Variants in HSD17B11 observed in about 807,000 individuals in gnomAD.
The protein encoded by HSD17B11 is estradiol 17-beta-dehydrogenase 11.
HSD17B11 carries 22 observed loss-of-function variants against 27.8 expected under a neutral mutation model. The ratio of observed to expected loss-of-function variants is 0.79; its 90% CI spans 0.56 to 1.13. The LOEUF is 1.13. Among genes scored for constraint, HSD17B11 ranks in the 50% most tolerant of loss-of-function variants. HSD17B11 has a pLI of 0.00. For missense variants in HSD17B11, 314 were observed against 351.1 expected, an observed-to-expected ratio of 0.89 and a Z score of 0.84; for synonymous variants, 117 against 132.8, an observed-to-expected ratio of 0.88 and a Z score of 0.82.
intron 4 of HSD17B11, among the ~76,000 whole-genome samples, chr4:87,357,967 T>TTTTTTC (rs1560761448): frequency 8.5e-6 from 1 of 117,724 alleles, no homozygotes; most frequent in Non-Finnish European, 1.7e-5. Flanking sequence ...TTTTTTTTTT[T>TTTTTTC]TTTTTTTTTT....
In HSD17B11 at chr4:87,336,979, G is replaced by A. The variant is rs754343632; in HGVS notation, c.*297C>T. ...AATAAACGGTTATGGTACAAATTTT[G>A]CAAAGCCTTCAGGTGAGCCACAAAT... is the stretch of plus-strand genomic sequence containing the variant. On this transcript the variant is annotated 3_prime_UTR_variant, in exon 7 of 7. Transcript: ENST00000358290. 2.2e-4 allele frequency: 58 copies of A among 261,552 alleles called. No individual in the cohort carries two copies. Among genetic ancestry groups the A allele is most frequent in the Non-Finnish European group, 2.7e-4 (38 of 140,832 alleles). The allele number at this position is 261,552 out of a possible 1,614,324, so 16.2% of individuals were successfully genotyped here. A position where few individuals can be genotyped will look rare whatever the true frequency, so the allele number is the denominator to read the frequency against.
intron 4 of HSD17B11, among the ~76,000 whole-genome samples, chr4:87,358,517 G>C (rs921378084): frequency 1.3e-5 from 2 of 152,020 alleles, no homozygotes; most frequent in South Asian, 2.1e-4. Flanking sequence ...GCTTTATTGA[G>C]ATATAAATTC....
chr4:87,382,028 A>G (rs1720185891), intron 2 of HSD17B11, among the ~76,000 whole-genome samples: 1 of 152,112 alleles, frequency 6.6e-6, no homozygotes, highest in Non-Finnish European at 1.5e-5. Flanking sequence ...GCCCAAGAGT[A>G]TATATATACA....
At chr4:87,367,078 C>T (rs1032462632) in intron 4 of HSD17B11, among the ~76,000 whole-genome samples, 8 of 152,100 alleles carry the variant, frequency 5.3e-5, no homozygotes, top group African/African-American at 7.2e-5. Context: ...CTGATTTCTC[C>T]GGAATGGAAA....
At chr4:87,379,933 T>G (rs1381015718) in intron 2 of HSD17B11, among the ~76,000 whole-genome samples, 1 of 146,774 alleles carries the variant, frequency 6.8e-6, no homozygotes, top group African/African-American at 2.5e-5. Context: ...TTATATATAC[T>G]ATATAAGTAT....
intron 2 of HSD17B11, among the ~76,000 whole-genome samples, chr4:87,380,863 C>CAAAAAAAAA (rs561938045): frequency 3.6e-4 from 27 of 74,726 alleles, no homozygotes; most frequent in African/African-American, 9.7e-4. Flanking sequence ...GACTCTATCT[C>CAAAAAAAAA]AAAAAAAAAA....
intron 3 of HSD17B11, chr4:87,373,383 C>T (rs1735758378): frequency 6.6e-6 from 1 of 151,678 alleles, no homozygotes; most frequent in South Asian, 2.1e-4. Context: ...CCCTCCACCT[C>T]TTGTTGTTGA....
chr4:87,385,057 C>T (rs1302080640), intron 1 of HSD17B11, among the ~76,000 whole-genome samples: 1 of 152,056 alleles, frequency 6.6e-6, no homozygotes, highest in African/African-American at 2.4e-5. Context: ...GGCAGGTTCC[C>T]ACAATATTTT....
chr4:87,377,471 C>G (rs1484004142), intron 2 of HSD17B11, among the ~76,000 whole-genome samples: 1 of 151,770 alleles, frequency 6.6e-6, no homozygotes, highest in East Asian at 1.9e-4. Flanking sequence ...AGACTATACT[C>G]AAAAGGGGAC....
chr4:87,357,949 A>ATTTTTTTTTTTTTTTTTTTTTTTTTTT (rs57139706), intron 4 of HSD17B11, among the ~76,000 whole-genome samples: 1 of 80,238 alleles, frequency 1.2e-5, no homozygotes, highest in Non-Finnish European at 2.4e-5. Flanking sequence ...CATTAGAGAA[A>ATTTTTTTTTTTTTTTTTTTTTTTTTTT]TTTTTTTTTT....
rs70957229 is a variant in HSD17B11, at chr4:87,370,755, A to ATTATTATTTT, written c.557+1953_557+1954insAAAATAATAA. 1.9e-3 allele frequency among the ~76,000 whole-genome samples: 110 copies of ATTATTATTTT among 57,508 alleles called. 4 individuals are homozygous for ATTATTATTTT. The East Asian group carries it at 0.029, about 15-fold the overall frequency. The allele number at this position is 57,508 out of a possible 152,430, so 37.7% of individuals were successfully genotyped here. ...TATTATTATTATTATTATTATTATT[A>ATTATTATTTT]TTTTTTTTTTTTTTTGAGACGGAGT... On this transcript the variant is annotated intron_variant, in intron 4 of 6. Transcript: ENST00000358290.
At chr4:87,382,651 T>C (rs779171119) in intron 1 of HSD17B11, among the ~76,000 whole-genome samples, 3 of 152,394 alleles carry the variant, frequency 2.0e-5, no homozygotes, top group Non-Finnish European at 4.4e-5. Flanking sequence ...TTGTGAATGT[T>C]GGTATCTCTG....
rs771233784 is a variant in HSD17B11 at position 87,372,760 on chromosome 4, G to GAA, written c.505_506insTT (p.Thr169IlefsTer32). 4 of 1,613,878 alleles carry GAA rather than the reference G, an allele frequency of 2.5e-6. No homozygotes were observed. In the East Asian group the frequency reaches 8.9e-5, roughly 36 times the overall value. On this transcript the variant is annotated frameshift_variant, in exon 4 of 7. Coordinates refer to ENST00000358290, the MANE Select transcript of HSD17B11 (RefSeq NM_016245.5). LOFTEE classifies it high-confidence loss of function. ...GACATGTCCAGCTGCCGAAGCCACA[G>GAA]TGACAATATGGCCATGGTTATTCTT...
intron 4 of HSD17B11, among the ~76,000 whole-genome samples, chr4:87,358,296 C>A (rs1735431667): frequency 6.6e-6 from 1 of 152,036 alleles, no homozygotes; most frequent in South Asian, 2.1e-4. Context: ...TTTCCCACAC[C>A]TTTCCTATAA....
intron 1 of HSD17B11, among the ~76,000 whole-genome samples, chr4:87,390,126 C>T (rs1007113518): frequency 6.6e-6 from 1 of 152,088 alleles, no homozygotes; most frequent in Admixed American, 6.5e-5. Flanking sequence ...ATAACTATGG[C>T]AATGTAGCAT....
At chr4:87,363,838 AAT>A (rs1232449378) in intron 4 of HSD17B11, among the ~76,000 whole-genome samples, 2 of 152,188 alleles carry the variant, frequency 1.3e-5, no homozygotes, top group Non-Finnish European at 2.9e-5. Context: ...TTACTGATTT[AAT>A]ATATGTGTCT....
At chr4:87,390,152 A>T (rs1401613883) in intron 1 of HSD17B11, among the ~76,000 whole-genome samples, 1 of 152,064 alleles carries the variant, frequency 6.6e-6, no homozygotes, top group Non-Finnish European at 1.5e-5. Flanking sequence ...TCTGTTGAGT[A>T]TAATCTTTTT....
rs1372358576 is a variant in HSD17B11, at chr4:87,372,822, A to G, written c.451-7T>C. 1 of 1,551,838 alleles carries G rather than the reference A, an allele frequency of 6.4e-7. No homozygotes were observed. Among genetic ancestry groups the G allele is most frequent in the East Asian group, 2.2e-5 (1 of 44,682 alleles). On this transcript the variant is annotated splice_polypyrimidine_tract_variant and splice_region_variant and intron_variant, in intron 3 of 6. Transcript: ENST00000358290. Reference sequence around the variant, plus strand: ...GAAGAAATGCCTTTGTAGTCTACAAATAGTTTTTATTAAAAGAGAAAAAAT... The same window carrying G: ...GAAGAAATGCCTTTGTAGTCTACAAGTAGTTTTTATTAAAAGAGAAAAAAT...
In HSD17B11 at chr4:87,366,606, T is replaced by C. The variant is rs545921940; in HGVS notation, c.557+6103A>G. Among the ~76,000 whole-genome samples the C allele has an allele frequency of 2.6e-3, 398 of 152,310 alleles. 4 individuals are homozygous for C. The highest frequency in any genetic ancestry group is 9.1e-3 in the African/African-American group (377 of 41,572). Reference sequence around the variant, plus strand: ...ATGACTTAGTGTATGTTACTAATAATTATAATTGTTATGTAAAATTTTGTA... The same window carrying C: ...ATGACTTAGTGTATGTTACTAATAACTATAATTGTTATGTAAAATTTTGTA... On this transcript the variant is annotated intron_variant, in intron 4 of 6. Transcript: ENST00000358290.
Sources: gnomAD v4.1 joint callset for allele counts (sites outside exome capture counted in the v4.1 genomes callset) on GRCh38, gnomAD v4.1.1 for gene constraint, MANE v1.5 for transcripts, NCBI Gene and HGNC (gene_info 2026-07-23, HGNC 2026-07-21) for gene names.